Variants in MYT1L observed in about 807,000 individuals in gnomAD.
The protein encoded by MYT1L is myelin transcription factor 1 like.
In MYT1L, 12 loss-of-function variants were observed where a neutral mutation model predicts 126.7. That is an observed-to-expected ratio of 0.09 (90% CI 0.06 to 0.15). The LOEUF is 0.15. Ranked by LOEUF, MYT1L falls within the 10% of genes least tolerant of loss-of-function variation. MYT1L has a pLI of 1.00. For missense variants in MYT1L, 979 were observed against 1,585.2 expected, an observed-to-expected ratio of 0.62 and a Z score of 6.49; for synonymous variants, 541 against 604.2, an observed-to-expected ratio of 0.90 and a Z score of 1.53.
chr2:1,892,387 G>A, intron 14 of MYT1L, 100 bp from the exon 15 acceptor site: 1 of 1,458,178 alleles, frequency 6.9e-7, no homozygotes, highest in Non-Finnish European at 9.1e-7. Context: ...GCCACACACA[G>A]CCGCGTGGGA....
intron 2 of MYT1L, among the ~76,000 whole-genome samples, chr2:2,210,280 G>A (rs2093459020): frequency 1.3e-5 from 2 of 152,090 alleles, no homozygotes; most frequent in South Asian, 4.1e-4. Context: ...TTCTGCTTTG[G>A]TTGCCTGTGC....
intron 8 of MYT1L, among the ~76,000 whole-genome samples, chr2:1,957,272 A>T (rs35835263): frequency 0.077 from 11,732 of 152,142 alleles, 719 homozygotes; most frequent in African/African-American, 0.17. Context: ...TTGAAAGTTT[A>T]AAAAAATTTT....
At chr2:2,071,028 G>A (rs979827481) in intron 3 of MYT1L, among the ~76,000 whole-genome samples, 16 of 152,238 alleles carry the variant, frequency 1.1e-4, no homozygotes, top group African/African-American at 2.9e-4. Context: ...TGGGGAAAGA[G>A]GATATGGGGT....
intron 3 of MYT1L, among the ~76,000 whole-genome samples, chr2:2,135,780 C>T (rs189724041): frequency 1.4e-3 from 220 of 152,234 alleles, no homozygotes; most frequent in Non-Finnish European, 1.9e-3. Context: ...AGAGAATGTG[C>T]TAAGATGGCC....
intron 2 of MYT1L, among the ~76,000 whole-genome samples, chr2:2,197,719 G>A (rs1315424408): frequency 2.8e-5 from 4 of 143,324 alleles, no homozygotes; most frequent in South Asian, 4.5e-4. Context: ...AATGTGTAGA[G>A]ATGTATATAA....
intron 1 of MYT1L, among the ~76,000 whole-genome samples, chr2:2,329,036 C>T (rs1038030766): frequency 3.3e-5 from 5 of 152,148 alleles, no homozygotes; most frequent in Non-Finnish European, 7.4e-5. Context: ...TGAATGCAAT[C>T]GCTATCAGCT....
At chr2:2,114,928 C>T (rs898258025) in intron 3 of MYT1L, among the ~76,000 whole-genome samples, 6 of 152,350 alleles carry the variant, frequency 3.9e-5, no homozygotes, top group South Asian at 2.1e-4. Context: ...GTTGTTCAAT[C>T]AGAAGATCCA....
In MYT1L at chr2:2,279,580, G is replaced by GGAAA. The variant is rs1559536114; in HGVS notation, c.-421+4823_-421+4824insTTTC. On this transcript the variant is annotated intron_variant, in intron 2 of 24. Coordinates refer to ENST00000647738, the MANE Select transcript of MYT1L (RefSeq NM_001303052.2). ...AGGAATGAATGAATGAAGGAAGGAA[G>GGAAA]GAAGGAAGGAAGGAAGGAAGGAAGG... is the stretch of plus-strand genomic sequence containing the variant. Among the ~76,000 whole-genome samples, 18 of 149,244 alleles carry GGAAA rather than the reference G, an allele frequency of 1.2e-4. 1 individual carries two copies. In the East Asian group the frequency reaches 3.6e-3, roughly 30 times the overall value.
At chr2:2,061,304 C>T (rs1015686548) in intron 3 of MYT1L, among the ~76,000 whole-genome samples, 22 of 152,152 alleles carry the variant, frequency 1.4e-4, no homozygotes, top group African/African-American at 5.1e-4. Flanking sequence ...AGAGCCGAGT[C>T]ACGGGGTTGC....
intron 1 of MYT1L, among the ~76,000 whole-genome samples, chr2:2,327,386 T>C (rs577545616): frequency 1.3e-5 from 2 of 152,168 alleles, no homozygotes; most frequent in Non-Finnish European, 2.9e-5. Flanking sequence ...CTTAGCTTGG[T>C]GAAAAATATG....
chr2:2,111,883 G>T (rs930145455), intron 3 of MYT1L, among the ~76,000 whole-genome samples: 2 of 152,218 alleles, frequency 1.3e-5, no homozygotes, highest in African/African-American at 4.8e-5. Flanking sequence ...TGCCATGGTG[G>T]GCGTTGCCCC....
intron 8 of MYT1L, among the ~76,000 whole-genome samples, chr2:1,954,296 C>T (rs538759833): frequency 6.6e-6 from 1 of 152,314 alleles, no homozygotes; most frequent in Admixed American, 6.5e-5. Flanking sequence ...CACTCACTGC[C>T]CGTTAGATGC....
At chr2:2,154,803 T>C (rs930521500) in intron 3 of MYT1L, among the ~76,000 whole-genome samples, 3 of 152,168 alleles carry the variant, frequency 2.0e-5, no homozygotes, top group Non-Finnish European at 2.9e-5. Context: ...GGAACAAACC[T>C]GCACATGTAC....
At chr2:1,881,670 CA>C (rs1433035185) in intron 18 of MYT1L, among the ~76,000 whole-genome samples, 2 of 152,054 alleles carry the variant, frequency 1.3e-5, no homozygotes, top group Non-Finnish European at 2.9e-5. Context: ...AGCTTTCCAC[CA>C]GGGATGTGGC....
At chr2:1,981,480 T>C (rs989113895) in intron 5 of MYT1L, among the ~76,000 whole-genome samples, 2 of 152,166 alleles carry the variant, frequency 1.3e-5, no homozygotes, top group Non-Finnish European at 2.9e-5. Flanking sequence ...AGGCTTGATA[T>C]GCAGTTATTG....
chr2:2,130,219 G>A (rs2082199047), intron 3 of MYT1L, among the ~76,000 whole-genome samples: 1 of 152,048 alleles, frequency 6.6e-6, no homozygotes, highest in Non-Finnish European at 1.5e-5. Context: ...ACGAGGAGCT[G>A]AGGTAATGCC....
intron 21 of MYT1L, among the ~76,000 whole-genome samples, chr2:1,831,565 G>T (rs1434494618): frequency 1.3e-5 from 2 of 152,102 alleles, no homozygotes; most frequent in Admixed American, 1.3e-4. Context: ...TCTCAGTCTG[G>T]TTTTGGTGCC....
At position 2,224,995 on chromosome 2, in the gene MYT1L, C is replaced by T. The variant is rs2093972255; in HGVS notation, c.-420-52007G>A. ...TCACCGTCTTGGAAACTTTAATATG[C>T]TTGAAAAACAGGCCGTGGGTTTTTA... On this transcript the variant is annotated intron_variant, in intron 2 of 24. Transcript: ENST00000647738. This position sits in a 1 kb window ranked among gnomAD's most constrained non-coding sequence, Gnocchi z 4.0. Among the ~76,000 whole-genome samples, 1 of 151,100 alleles carries T rather than the reference C, an allele frequency of 6.6e-6. No individual in the cohort carries two copies. The highest frequency in any genetic ancestry group is 2.4e-5 in the African/African-American group (1 of 41,244).
At chr2:2,165,744 A>G (rs969246496) in intron 3 of MYT1L, among the ~76,000 whole-genome samples, 16 of 152,088 alleles carry the variant, frequency 1.1e-4, no homozygotes, top group African/African-American at 3.6e-4. Flanking sequence ...AATACTTTTT[A>G]GAAATAATTT....
Sources: gnomAD v4.1 joint callset for allele counts (sites outside exome capture counted in the v4.1 genomes callset) on GRCh38, gnomAD v4.1.1 for gene constraint, Gnocchi (gnomAD v3.1) non-coding constraint, MANE v1.5 for transcripts, NCBI Gene and HGNC (gene_info 2026-07-23, HGNC 2026-07-21) for gene names.